The following SNX8 variants were observed in gnomAD, a reference collection of about 807,000 sequenced individuals.
The protein encoded by SNX8 is sorting nexin-8.
Under a neutral mutation model 51.6 loss-of-function variants are expected in SNX8, and 25 were observed. The observed-to-expected ratio is 0.48, with a 90% CI of 0.35 to 0.68. The LOEUF (loss-of-function observed/expected upper bound fraction) is 0.68. SNX8 is among the 30% of genes least tolerant of loss of function. The probability of loss-of-function intolerance (pLI) is 0.00; values close to 1 mark genes in which losing one functional copy is unlikely to be tolerated. For missense variants in SNX8, 695 were observed against 624.0 expected (o/e 1.11, Z -1.21); for synonymous variants, 324 against 277.0 (o/e 1.17, Z -1.68).
chr7:2,269,523 TAAAAAAA>T lies in SNX8; in HGVS notation c.621+29_621+35del, dbSNP rs375189373. 10 of 894,234 alleles carry T rather than the reference TAAAAAAA, an allele frequency of 1.1e-5. 1 individual carries two copies. The highest frequency in any genetic ancestry group is 8.3e-5 in the South Asian group (4 of 48,126). The allele number at this position is 894,234 out of a possible 1,614,324, so 55.4% of individuals were successfully genotyped here. A position where few individuals can be genotyped will look rare whatever the true frequency, so the allele number is the denominator to read the frequency against. On this transcript the variant is annotated intron_variant, in intron 5 of 10. Coordinates refer to ENST00000222990, the MANE Select transcript of SNX8 (RefSeq NM_013321.4). ...AAGAATGATCAATAAAAAAATAAATTAAAAAAAAAAAAAAAGAAAAAAAAAAGAAAAA... is the reference window on the plus strand; with the variant it reads ...AAGAATGATCAATAAAAAAATAAATTAAAAAAAAGAAAAAAAAAAGAAAAA...
chr7:2,257,119 C>G, intron 9 of SNX8, 96 bp from the exon 10 acceptor site: 1 of 1,395,140 alleles, frequency 7.2e-7, no homozygotes, highest in Non-Finnish European at 9.5e-7. Flanking sequence ...AGGGCGGCCC[C>G]TTCTCCTTCA....
chr7:2,260,936 C>G (rs1795320107), intron 7 of SNX8, among the ~76,000 whole-genome samples: 1 of 152,178 alleles, frequency 6.6e-6, no homozygotes, highest in African/African-American at 2.4e-5. Flanking sequence ...GCATCCAGGG[C>G]TGAATCAGAA....
At chr7:2,343,062 T>G (rs1273617056) in intron 1 of SNX8, among the ~76,000 whole-genome samples, 1 of 151,882 alleles carries the variant, frequency 6.6e-6, no homozygotes, top group Non-Finnish European at 1.5e-5. Context: ...CCCAGACTGC[T>G]GGGATTACAG....
intron 10 of SNX8, among the ~76,000 whole-genome samples, chr7:2,256,571 G>A (rs186796961): frequency 3.1e-4 from 47 of 152,376 alleles, no homozygotes; most frequent in Admixed American, 3.1e-3. Flanking sequence ...CTCAGCCGCA[G>A]GGTGCGGGAG....
At chr7:2,314,608 C>T, upstream of SNX8, 1 of 432,800 alleles carries the variant, frequency 2.3e-6, no homozygotes, top group Non-Finnish European at 3.2e-6. Context: ...ACCCGCCTAG[C>T]CACGCCCACA....
At chr7:2,305,578 G>A (rs1796527072) in intron 1 of SNX8, among the ~76,000 whole-genome samples, 1 of 151,920 alleles carries the variant, frequency 6.6e-6, no homozygotes, top group Non-Finnish European at 1.5e-5. Context: ...TGGTCATGCT[G>A]GTCTCGAACT....
chr7:2,260,049 G>GT (rs1181957895), intron 7 of SNX8, among the ~76,000 whole-genome samples: 1 of 151,744 alleles, frequency 6.6e-6, no homozygotes, highest in Non-Finnish European at 1.5e-5. Flanking sequence ...AGGAAGGAAG[G>GT]TAGGTAGGTC....
At chr7:2,267,988 C>T (rs1795516495) in intron 5 of SNX8, among the ~76,000 whole-genome samples, 1 of 148,824 alleles carries the variant, frequency 6.7e-6, no homozygotes, top group Non-Finnish European at 1.5e-5. Context: ...GTGAGGAGCG[C>T]CTCTGCCCGG....
chr7:2,269,754 C>A, intron 4 of SNX8, 115 bp from the exon 5 acceptor site: 1 of 606,816 alleles, frequency 1.6e-6, no homozygotes. Flanking sequence ...AACACATTTC[C>A]ATATGTTGGC....
chr7:2,316,561 T>G (rs1796761370), upstream of SNX8, among the ~76,000 whole-genome samples: 2 of 149,456 alleles, frequency 1.3e-5, no homozygotes, highest in African/African-American at 5.0e-5. Context: ...AACCACTCAC[T>G]CACTGCATCC....
intron 1 of SNX8, among the ~76,000 whole-genome samples, chr7:2,291,288 C>T (rs761456530): frequency 6.6e-6 from 1 of 151,518 alleles, no homozygotes; most frequent in Non-Finnish European, 1.5e-5. Context: ...GAGCAGAAGA[C>T]ACCCTGTTTA....
At chr7:2,309,418 G>A (rs1272418706) in intron 1 of SNX8, among the ~76,000 whole-genome samples, 2 of 151,692 alleles carry the variant, frequency 1.3e-5, no homozygotes, top group African/African-American at 4.8e-5. Context: ...CCCAGCTACT[G>A]GGGAGGCTGA....
At chr7:2,267,119 G>A (rs984611744) in intron 5 of SNX8, among the ~76,000 whole-genome samples, 5 of 152,156 alleles carry the variant, frequency 3.3e-5, no homozygotes, top group Non-Finnish European at 5.9e-5. Flanking sequence ...TTCTCCATCC[G>A]TAAAACAGGC....
chr7:2,346,809 A>G (rs1254387128), intron 1 of SNX8, among the ~76,000 whole-genome samples: 1 of 149,558 alleles, frequency 6.7e-6, no homozygotes. Flanking sequence ...AGCCACAAGT[A>G]CTCAGGAGGC....
intron 1 of SNX8, among the ~76,000 whole-genome samples, chr7:2,348,950 CAA>C (rs60816121): frequency 1.8e-3 from 101 of 55,710 alleles, no homozygotes; most frequent in African/African-American, 5.3e-3. Flanking sequence ...GACTCTGTCT[CAA>C]AAAAAAAAAA....
intron 1 of SNX8, among the ~76,000 whole-genome samples, chr7:2,327,733 G>A (rs1007776628): frequency 9.3e-5 from 14 of 150,302 alleles, no homozygotes; most frequent in Middle Eastern, 3.5e-3. Flanking sequence ...AAGTAGAGAC[G>A]GGGTTTCACC....
At position 2,269,471 on chromosome 7, in the gene SNX8, C is replaced by A. The variant is rs1168856946; in HGVS notation, c.621+88G>T. ...CCTCCACTATTGTCCCATGACCCTGCCAAATCCCCCTCTGCGAGAAACACC... is the reference window on the plus strand; with the variant it reads ...CCTCCACTATTGTCCCATGACCCTGACAAATCCCCCTCTGCGAGAAACACC... On this transcript the variant is annotated intron_variant, in intron 5 of 10. Coordinates refer to ENST00000222990, the MANE Select transcript of SNX8 (RefSeq NM_013321.4). 5 of 696,104 alleles carry A rather than the reference C, an allele frequency of 7.2e-6. No individual in the cohort carries two copies. In the African/African-American group the frequency reaches 9.3e-5, roughly 13 times the overall value. 43.1% of individuals were successfully genotyped at this position (696,104 alleles called of 1,614,324 possible).
chr7:2,333,300 C>A (rs879521237), intron 1 of SNX8, among the ~76,000 whole-genome samples: 4 of 152,198 alleles, frequency 2.6e-5, no homozygotes, highest in Admixed American at 6.5e-5. Flanking sequence ...CAGTGGCTCA[C>A]GCCTATAATC....
Position 2,256,449 on chromosome 7 carries a change from G to A in SNX8, c.1284+425C>T, listed in dbSNP as rs76181547. 2.6e-3 allele frequency among the ~76,000 whole-genome samples: 399 copies of A among 152,370 alleles called. 5 individuals are homozygous for A. Among genetic ancestry groups the A allele is most frequent in the African/African-American group, 9.2e-3 (382 of 41,582 alleles). On this transcript the variant is annotated intron_variant, in intron 10 of 10. Coordinates refer to ENST00000222990, the MANE Select transcript of SNX8 (RefSeq NM_013321.4). ...AACGGAGGCCTGTCCCAGGACCTTG[G>A]GAGCGTTTCTTCTCCCAGGCTGAAG...
Sources: allele counts gnomAD v4.1 joint callset (sites outside exome capture counted in the v4.1 genomes callset), GRCh38; gene constraint gnomAD v4.1.1; transcripts MANE v1.5; gene names NCBI Gene and HGNC (gene_info 2026-07-23, HGNC 2026-07-21).